The following PLAAT5 variants were observed in gnomAD, a reference collection of about 807,000 sequenced individuals.
PLAAT5 encodes the protein Ca(2+)-independent N-acyltransferase.
In PLAAT5, 27 loss-of-function variants were observed where a neutral mutation model predicts 27.8. That is an observed-to-expected ratio of 0.97 (90% CI 0.72 to 1.34). PLAAT5 has a LOEUF of 1.34. Ranked by LOEUF, PLAAT5 falls within the 40% of genes most tolerant of loss-of-function variation. The pLI, the probability that PLAAT5 is intolerant of heterozygous loss-of-function variation, is 0.00. For synonymous variants in PLAAT5, 125 were observed against 136.1 expected (o/e 0.92, Z 0.57); for missense variants, 368 against 343.8 (o/e 1.07, Z -0.56).
chr11:63,476,818 G>A (rs183637918), intron 3 of PLAAT5, among the ~76,000 whole-genome samples: 177 of 152,092 alleles, frequency 1.2e-3, no homozygotes, highest in Middle Eastern at 3.4e-3. Flanking sequence ...TTATACATTT[G>A]TTGGTTTGCT....
intron 5 of PLAAT5, among the ~76,000 whole-genome samples, chr11:63,464,694 G>A (rs2015811017): frequency 6.6e-6 from 1 of 152,056 alleles, no homozygotes; most frequent in Non-Finnish European, 1.5e-5. Context: ...TGCTTTCTCT[G>A]CTCATCTCAT....
chr11:63,461,405 A>T lies in PLAAT5; in HGVS notation c.*2098T>A, dbSNP rs1447121971. On this transcript the variant is annotated 3_prime_UTR_variant, in exon 6 of 6. Coordinates refer to ENST00000540857, the MANE Select transcript of PLAAT5 (RefSeq NM_001146729.2). ...CAAAAAGTGAAAAATAAGCACACAAACAAGTGACTAGTGTTTAATCTCAGA... is the reference window on the plus strand; with the variant it reads ...CAAAAAGTGAAAAATAAGCACACAATCAAGTGACTAGTGTTTAATCTCAGA... 1 of 152,130 alleles carries T rather than the reference A, an allele frequency of 6.6e-6. No homozygotes were observed. The highest frequency in any genetic ancestry group is 2.4e-5 in the African/African-American group (1 of 41,426). 9.4% of individuals were successfully genotyped at this position (152,130 alleles called of 1,614,324 possible). A position where few individuals can be genotyped will look rare whatever the true frequency, so the allele number is the denominator to read the frequency against.
chr11:63,488,415 T>C (rs182797592), intron 3 of PLAAT5, among the ~76,000 whole-genome samples: 3 of 152,298 alleles, frequency 2.0e-5, no homozygotes, highest in Admixed American at 1.3e-4. Flanking sequence ...AACTATACAC[T>C]TCACTGGCAT....
At chr11:63,482,894 T>C (rs1333208849) in intron 3 of PLAAT5, among the ~76,000 whole-genome samples, 1 of 151,712 alleles carries the variant, frequency 6.6e-6, no homozygotes, top group Admixed American at 6.6e-5. Context: ...ACACATAAAC[T>C]TAAAAGGGGA....
chr11:63,469,940 T>A (rs1415112815), intron 3 of PLAAT5, among the ~76,000 whole-genome samples: 1 of 151,914 alleles, frequency 6.6e-6, no homozygotes, highest in African/African-American at 2.4e-5. Flanking sequence ...TACAAAAAAA[T>A]TAGCCAGGCT....
In PLAAT5 at chr11:63,463,385, A is replaced by T; in HGVS notation, c.*118T>A. The T allele has an allele frequency of 1.3e-6, 1 of 766,292 alleles. No homozygotes were observed. Among genetic ancestry groups the T allele is most frequent in the Middle Eastern group, 2.3e-4 (1 of 4,270 alleles). 47.5% of individuals were successfully genotyped at this position (766,292 alleles called of 1,614,324 possible). A position where few individuals can be genotyped will look rare whatever the true frequency, so the allele number is the denominator to read the frequency against. ...GGAAGGGTAATTGGATACATTGTAG[A>T]TTCTTCCAGAAGTTCACAATTTTCT... On this transcript the variant is annotated 3_prime_UTR_variant, in exon 6 of 6. Transcript: ENST00000540857.
At chr11:63,483,836 TATATATAC>T in intron 3 of PLAAT5, among the ~76,000 whole-genome samples, 1 of 111,324 alleles carries the variant, frequency 9.0e-6, no homozygotes, top group East Asian at 2.7e-4. Flanking sequence ...TATATATATA[TATATATAC>T]ACATATATAT....
At chr11:63,490,507 C>T (rs1255638324) in intron 1 of PLAAT5, 174 bp from the exon 2 acceptor site, 10 of 996,044 alleles carry the variant, frequency 1.0e-5, no homozygotes, top group Non-Finnish European at 1.5e-5. Context: ...GGTGCTGGAG[C>T]GGGTTCAGTT....
chr11:63,484,872 G>A (rs1013625654), intron 3 of PLAAT5, among the ~76,000 whole-genome samples: 4 of 152,022 alleles, frequency 2.6e-5, no homozygotes, highest in African/African-American at 9.7e-5. Flanking sequence ...TTGCTGATAT[G>A]ATCATAGACC....
chr11:63,488,446 A>C lies in PLAAT5; in HGVS notation c.345+425T>G, dbSNP rs2120351051. On this transcript the variant is annotated intron_variant, in intron 3 of 5. Coordinates refer to ENST00000540857, the MANE Select transcript of PLAAT5 (RefSeq NM_001146729.2). ...GGCATATATATATGCCAAATTTATC[A>C]AATTGTATATTTTAGATATGTGGAG... Among the ~76,000 whole-genome samples the C allele has an allele frequency of 1.3e-5, 2 of 152,308 alleles. 1 individual carries two copies. Among genetic ancestry groups the C allele is most frequent in the South Asian group, 4.1e-4 (2 of 4,826 alleles).
intron 3 of PLAAT5, among the ~76,000 whole-genome samples, chr11:63,472,941 T>G (rs1015109873): frequency 2.0e-5 from 3 of 150,248 alleles, no homozygotes; most frequent in African/African-American, 7.4e-5. Flanking sequence ...CCATCTCTAT[T>G]AAAAATACAA....
At chr11:63,489,611 C>T (rs1409331605) in intron 2 of PLAAT5, among the ~76,000 whole-genome samples, 1 of 152,170 alleles carries the variant, frequency 6.6e-6, no homozygotes, top group African/African-American at 2.4e-5. Flanking sequence ...TGCTGTCCCA[C>T]CTTGAGCTAG....
intron 3 of PLAAT5, among the ~76,000 whole-genome samples, chr11:63,472,327 C>T (rs900590034): frequency 2.0e-5 from 3 of 152,166 alleles, no homozygotes; most frequent in Non-Finnish European, 4.4e-5. Context: ...ACATGAGCAG[C>T]GTAATGCTGC....
intron 1 of PLAAT5, 140 bp downstream of exon 1, chr11:63,490,747 G>A (rs967496244): frequency 1.2e-5 from 10 of 810,680 alleles, no homozygotes; most frequent in Non-Finnish European, 1.9e-5. Context: ...ACAAGCGGTC[G>A]TTCTGAAATA....
intron 1 of PLAAT5, 136 bp downstream of exon 1, chr11:63,490,751 T>G (rs1161566644): frequency 1.2e-6 from 1 of 853,888 alleles, no homozygotes; most frequent in Non-Finnish European, 1.8e-6. Flanking sequence ...GCGGTCGTTC[T>G]GAAATACTCG....
Position 63,488,852 on chromosome 11 carries a change from G to C in PLAAT5, c.345+19C>G. The C allele has an allele frequency of 2.6e-6, 4 of 1,552,758 alleles. No homozygotes were observed. Among genetic ancestry groups the C allele is most frequent in the Non-Finnish European group, 3.6e-6 (4 of 1,125,234 alleles). ...AGGAGGTTAAAGATAGTCACTTTGA[G>C]AATTCTTGTTACACCTACCTCAGCT... On this transcript the variant is annotated intron_variant, in intron 3 of 5. Transcript: ENST00000540857.
chr11:63,468,385 A>G lies in PLAAT5; in HGVS notation c.426T>C (p.Asp142=), dbSNP rs201923797. 3.1e-6 allele frequency: 5 copies of G among 1,613,958 alleles called. No homozygotes were observed. The highest frequency in any genetic ancestry group is 1.7e-5 in the Admixed American group (1 of 60,010). Residue 142 remains aspartate, a synonymous_variant, in exon 4 of 6, where the codon GAT becomes GAC. Transcript: ENST00000540857. ...GGGGAGCCAGATGGACCACGCAATC[A>G]TCTTCTACATAGATGGCCCAGTGCT... The part of the protein sequence containing the change: ...GYEHWAIYVE[D]DCVVHLAPPS...
chr11:63,479,224 T>A (rs2016226642), intron 3 of PLAAT5, among the ~76,000 whole-genome samples: 1 of 152,102 alleles, frequency 6.6e-6, no homozygotes, highest in Non-Finnish European at 1.5e-5. Flanking sequence ...GCCAAGAGAG[T>A]AAGTGAAGAA....
Position 63,490,335 on chromosome 11 carries a change from T to C in PLAAT5, c.149-2A>G. On this transcript the variant is annotated splice_acceptor_variant, in intron 1 of 5. Coordinates refer to ENST00000540857, the MANE Select transcript of PLAAT5 (RefSeq NM_001146729.2). LOFTEE classifies it high-confidence loss of function. Reference sequence around the variant, plus strand: ...ACGCTGCGAATCCCACGGATTCTTCTAATTCAAGGGGGGAAATGCTATTTA... The same window carrying C: ...ACGCTGCGAATCCCACGGATTCTTCCAATTCAAGGGGGGAAATGCTATTTA... 1.9e-6 allele frequency: 3 copies of C among 1,614,204 alleles called. No individual in the cohort carries two copies. Among genetic ancestry groups the C allele is most frequent in the Non-Finnish European group, 2.5e-6 (3 of 1,180,034 alleles).
Sources: allele counts gnomAD v4.1 joint callset (sites outside exome capture counted in the v4.1 genomes callset), GRCh38; gene constraint gnomAD v4.1.1; transcripts MANE v1.5; gene names NCBI Gene and HGNC (gene_info 2026-07-23, HGNC 2026-07-21).